PRKACB: variants seen among roughly 807,000 people sequenced by gnomAD.
The protein encoded by PRKACB is protein kinase cAMP-activated catalytic subunit beta, also known as cAMP-dependent protein kinase catalytic subunit beta.
A neutral mutation model predicts 51.4 loss-of-function variants in PRKACB; 16 were observed. The observed-to-expected ratio is 0.31, with a 90% CI of 0.21 to 0.47. PRKACB has a LOEUF of 0.47. Among genes scored for constraint, PRKACB ranks in the 20% least tolerant of loss-of-function variants. The pLI, the probability that PRKACB is intolerant of heterozygous loss-of-function variation, is 1.00. For missense variants in PRKACB, 309 were observed against 464.5 expected (o/e 0.67, Z 3.08); for synonymous variants, 147 against 154.4 (o/e 0.95, Z 0.35).
chr1:84,118,045 C>G (rs746899677), intron 1 of PRKACB, among the ~76,000 whole-genome samples: 1 of 152,212 alleles, frequency 6.6e-6, no homozygotes, highest in Non-Finnish European at 1.5e-5. Flanking sequence ...TTCACACAAT[C>G]TCCAAGTCAC....
rs1675150377 is a variant in PRKACB, at chr1:84,229,112, T to C, written c.1072-6068T>C. Among the ~76,000 whole-genome samples, 4 of 137,742 alleles carry C rather than the reference T, an allele frequency of 2.9e-5. No homozygotes were observed. The South Asian group carries it at 9.8e-4, about 34-fold the overall frequency. 90.4% of individuals were successfully genotyped at this position (137,742 alleles called of 152,430 possible). ...CCACCCCGTAACAGTCCCCAGAGTA[T>C]GATGTTCCCCTTCCTGTGTCCATGT... On this transcript the variant is annotated intron_variant, in intron 9 of 9. Transcript: ENST00000370685.
At chr1:84,176,614 GT>G (rs538172001) in intron 1 of PRKACB, among the ~76,000 whole-genome samples, 2 of 150,094 alleles carry the variant, frequency 1.3e-5, no homozygotes, top group South Asian at 2.1e-4. Context: ...GAAAAAAAAT[GT>G]TTCAGGAACA....
At chr1:84,120,830 G>A (rs1362583844) in intron 1 of PRKACB, among the ~76,000 whole-genome samples, 1 of 151,942 alleles carries the variant, frequency 6.6e-6, no homozygotes, top group Admixed American at 6.6e-5. Flanking sequence ...AAATAGGGTG[G>A]TGATATCTAC....
intron 8 of PRKACB, among the ~76,000 whole-genome samples, chr1:84,213,004 T>G (rs1168746839): frequency 6.6e-6 from 1 of 152,196 alleles, no homozygotes; most frequent in South Asian, 2.1e-4. Flanking sequence ...ATGTAAGTTA[T>G]GAAGTGATGG....
At chr1:84,132,283 CT>C (rs34258279) in intron 1 of PRKACB, among the ~76,000 whole-genome samples, 72,464 of 152,026 alleles carry the variant, frequency 0.48, 17,939 homozygotes, top group Non-Finnish European at 0.56. Flanking sequence ...AGAATGGACT[CT>C]TTTTCTGAGG....
At chr1:84,215,441 A>T (rs1236256806) in intron 9 of PRKACB, among the ~76,000 whole-genome samples, 1 of 152,146 alleles carries the variant, frequency 6.6e-6, no homozygotes. Context: ...ATTCAGAATA[A>T]CTTTGCACCT....
At chr1:84,113,428 A>G (rs551321684) in intron 1 of PRKACB, among the ~76,000 whole-genome samples, 3 of 152,342 alleles carry the variant, frequency 2.0e-5, no homozygotes, top group Admixed American at 1.3e-4. Flanking sequence ...GTGGAAATAT[A>G]AAATGGTACA....
intron 7 of PRKACB, among the ~76,000 whole-genome samples, chr1:84,201,587 A>G (rs912342926): frequency 6.6e-6 from 1 of 152,096 alleles, no homozygotes; most frequent in Middle Eastern, 3.4e-3. Context: ...CAGTATCAGG[A>G]AAAAAAAGAG....
chr1:84,230,495 G>A (rs1463363343), intron 9 of PRKACB, among the ~76,000 whole-genome samples: 8 of 152,160 alleles, frequency 5.3e-5, no homozygotes, highest in Admixed American at 4.6e-4. Context: ...TGATGGGGAT[G>A]GCATTGAATC....
chr1:84,164,275 G>C, intron 1 of PRKACB: 1 of 1,482,438 alleles, frequency 6.7e-7, no homozygotes. Flanking sequence ...TCGGCAATAA[G>C]ATTCATCGCC....
In PRKACB at chr1:84,133,951, G is replaced by T. The variant is rs1026475777; in HGVS notation, c.47-45226G>T. ...GAGCTCTTGTCCTGCGTACAGGAAA[G>T]ATTAGGTTGCATGAATGAATTGAAG... On this transcript the variant is annotated intron_variant, in intron 1 of 8. Coordinates refer to the PRKACB transcript ENST00000370688. Among the ~76,000 whole-genome samples the T allele has an allele frequency of 2.0e-5, 3 of 152,194 alleles. No individual in the cohort carries two copies. In the South Asian group the frequency reaches 6.2e-4, roughly 32 times the overall value.
chr1:84,088,782 T>A (rs1180739792), intron 1 of PRKACB, among the ~76,000 whole-genome samples: 2 of 152,216 alleles, frequency 1.3e-5, no homozygotes, highest in African/African-American at 4.8e-5. Flanking sequence ...AACCAGGCAC[T>A]ATGCTAGTCT....
At chr1:84,219,216 T>A (rs1264886504) in intron 9 of PRKACB, among the ~76,000 whole-genome samples, 1 of 151,678 alleles carries the variant, frequency 6.6e-6, no homozygotes, top group Non-Finnish European at 1.5e-5. Flanking sequence ...TCTTTTTTGT[T>A]TGTTTATTAG....
chr1:84,171,423 T>G (rs1323369578), intron 1 of PRKACB, among the ~76,000 whole-genome samples: 1 of 151,628 alleles, frequency 6.6e-6, no homozygotes, highest in East Asian at 1.9e-4. Context: ...CACAGAATCT[T>G]TATGCAGAAC....
chr1:84,195,556 C>T (rs1667970989), intron 5 of PRKACB, among the ~76,000 whole-genome samples: 2 of 152,132 alleles, frequency 1.3e-5, no homozygotes, highest in Admixed American at 1.3e-4. Flanking sequence ...AAAATTGGTA[C>T]ATCCTTTTGG....
rs1676578957 is a variant in PRKACB at position 84,235,433 on chromosome 1, T to C, written c.*128T>C. ...TCATTCCAACGACTGAGTGAGGTCT[T>C]TATTGCCATCATCCCGTGTGCGCAC... On this transcript the variant is annotated 3_prime_UTR_variant, in exon 10 of 10. Transcript: ENST00000370685. The C allele has an allele frequency of 2.4e-6, 3 of 1,260,832 alleles. No individual in the cohort carries two copies. Among genetic ancestry groups the C allele is most frequent in the African/African-American group, 3.0e-5 (2 of 66,018 alleles). 78.1% of individuals were successfully genotyped at this position (1,260,832 alleles called of 1,614,324 possible).
intron 9 of PRKACB, among the ~76,000 whole-genome samples, chr1:84,216,726 A>G (rs1672940887): frequency 1.3e-5 from 2 of 152,198 alleles, no homozygotes; most frequent in African/African-American, 4.8e-5. Flanking sequence ...TCCCCATTTT[A>G]CTGATGTGGA....
intron 9 of PRKACB, among the ~76,000 whole-genome samples, chr1:84,233,004 A>C (rs931555161): frequency 6.6e-6 from 1 of 151,852 alleles, no homozygotes; most frequent in Non-Finnish European, 1.5e-5. Flanking sequence ...GTTTCTTCAT[A>C]GTCTCGATGG....
intron 1 of PRKACB, chr1:84,164,451 T>A (rs901546037): frequency 1.3e-6 from 2 of 1,558,070 alleles, no homozygotes; most frequent in Non-Finnish European, 1.7e-6. Flanking sequence ...CAGCAATTTT[T>A]TCATATCTTT....
Sources: allele counts gnomAD v4.1 joint callset (sites outside exome capture counted in the v4.1 genomes callset), GRCh38; gene constraint gnomAD v4.1.1; transcripts MANE v1.5; gene names NCBI Gene and HGNC (gene_info 2026-07-23, HGNC 2026-07-21).